BMPR1A: variants seen among roughly 807,000 people sequenced by gnomAD.
BMPR1A encodes bone morphogenetic protein receptor type-1A.
A neutral mutation model predicts 66.0 loss-of-function variants in BMPR1A; 7 were observed. The ratio of observed to expected loss-of-function variants is 0.11; its 90% CI spans 0.06 to 0.20. The LOEUF is 0.20. Ranked by LOEUF, BMPR1A falls within the 10% of genes least tolerant of loss-of-function variation. The pLI is 1.00. For synonymous variants in BMPR1A, 200 were observed against 229.7 expected, an observed-to-expected ratio of 0.87 and a Z score of 1.17; for missense variants, 408 against 669.1, an observed-to-expected ratio of 0.61 and a Z score of 4.31.
Position 86,923,961 on chromosome 10 carries a change from T to C in BMPR1A, c.*242T>C. 1.9e-6 allele frequency: 1 copy of C among 528,658 alleles called. No homozygotes were observed. The highest frequency in any genetic ancestry group is 3.4e-6 in the Non-Finnish European group (1 of 295,414). The allele number at this position is 528,658 out of a possible 1,614,324, so 32.7% of individuals were successfully genotyped here. A position where few individuals can be genotyped will look rare whatever the true frequency, so the allele number is the denominator to read the frequency against. ...TTTAAATGTGGTTTTTGATGCCTTT[T>C]TTTAAGTGGGTTTTTATGAACTGCA... On this transcript the variant is annotated 3_prime_UTR_variant, in exon 13 of 13. Coordinates refer to ENST00000372037, the MANE Select transcript of BMPR1A (RefSeq NM_004329.3).
chr10:86,785,828 C>T (rs544759682), intron 1 of BMPR1A, among the ~76,000 whole-genome samples: 8 of 152,270 alleles, frequency 5.3e-5, no homozygotes, highest in East Asian at 1.9e-4. Context: ...TTTACAGCTG[C>T]GCTTGGCTGG....
At position 86,785,830 on chromosome 10, in the gene BMPR1A, C is replaced by T. The variant is rs1351007486; in HGVS notation, c.-268+28911C>T. ...CTGCACTTGCACCTTTACAGCTGCG[C>T]TTGGCTGGAGAATTAACTTGGCTGA... On this transcript the variant is annotated intron_variant, in intron 1 of 12. Transcript: ENST00000372037. Among the ~76,000 whole-genome samples the T allele has an allele frequency of 2.6e-5, 4 of 152,162 alleles. 1 individual carries two copies. The highest frequency in any genetic ancestry group is 2.6e-4 in the Admixed American group (4 of 15,268).
At chr10:86,778,877 C>T (rs1257585191) in intron 1 of BMPR1A, among the ~76,000 whole-genome samples, 1 of 150,760 alleles carries the variant, frequency 6.6e-6, no homozygotes, top group African/African-American at 2.4e-5. Context: ...ATAATGTCTT[C>T]CAGTTCCATC....
intron 7 of BMPR1A, among the ~76,000 whole-genome samples, chr10:86,906,353 C>T (rs1282733650): frequency 2.6e-5 from 4 of 152,134 alleles, no homozygotes; most frequent in Non-Finnish European, 5.9e-5. Context: ...TTGGGTTTCA[C>T]TGAGCTTAGT....
At chr10:86,782,256 G>A (rs970121464) in intron 1 of BMPR1A, among the ~76,000 whole-genome samples, 2 of 152,150 alleles carry the variant, frequency 1.3e-5, no homozygotes, top group Non-Finnish European at 2.9e-5. Context: ...TTAATTACAC[G>A]TTTTGGCTAT....
intron 2 of BMPR1A, among the ~76,000 whole-genome samples, chr10:86,859,198 CTG>C (rs1366835016): frequency 2.6e-5 from 4 of 152,218 alleles, no homozygotes. Flanking sequence ...GCTGGGAAAA[CTG>C]GATATACATA....
chr10:86,878,032 ATAGT>A (rs1842941563), intron 3 of BMPR1A, among the ~76,000 whole-genome samples: 1 of 152,236 alleles, frequency 6.6e-6, no homozygotes, highest in African/African-American at 2.4e-5. Flanking sequence ...AATTATTTTG[ATAGT>A]TGCTTCAAAT....
chr10:86,900,476 T>C (rs1564718070), intron 7 of BMPR1A, among the ~76,000 whole-genome samples: 1 of 151,928 alleles, frequency 6.6e-6, no homozygotes, highest in South Asian at 2.1e-4. Flanking sequence ...GCTCCAGAAT[T>C]GTTTGCATGT....
At chr10:86,803,596 C>T (rs2051199681) in intron 1 of BMPR1A, among the ~76,000 whole-genome samples, 7 of 152,092 alleles carry the variant, frequency 4.6e-5, no homozygotes. Flanking sequence ...ATTCTTTCAC[C>T]ACTCTTTATT....
intron 3 of BMPR1A, among the ~76,000 whole-genome samples, chr10:86,884,564 C>T (rs1444406125): frequency 6.6e-6 from 1 of 151,644 alleles, no homozygotes. Context: ...AGGCTCACAG[C>T]ACCATGCCCA....
At chr10:86,911,271 C>T (rs1843479803) in intron 7 of BMPR1A, among the ~76,000 whole-genome samples, 1 of 151,536 alleles carries the variant, frequency 6.6e-6, no homozygotes, top group Admixed American at 6.6e-5. Context: ...AGTAATTTGT[C>T]TACACTAAAA....
chr10:86,771,215 C>T (rs944224488), intron 1 of BMPR1A, among the ~76,000 whole-genome samples: 3 of 152,112 alleles, frequency 2.0e-5, no homozygotes, highest in South Asian at 2.1e-4. Context: ...ACCTTGGAAA[C>T]GTTAAATAAC....
intron 1 of BMPR1A, among the ~76,000 whole-genome samples, chr10:86,811,090 G>C (rs1191196459): frequency 6.6e-6 from 1 of 152,204 alleles, no homozygotes; most frequent in Admixed American, 6.5e-5. Flanking sequence ...CCTGGCTGGA[G>C]TGCCGTAGTG....
At chr10:86,827,921 A>G (rs925477435) in intron 1 of BMPR1A, among the ~76,000 whole-genome samples, 20 of 152,316 alleles carry the variant, frequency 1.3e-4, no homozygotes, top group African/African-American at 4.8e-4. Flanking sequence ...TGGGAGGCCA[A>G]AGAGGGCGGA....
intron 3 of BMPR1A, among the ~76,000 whole-genome samples, chr10:86,882,372 G>A (rs528893288): frequency 2.6e-5 from 4 of 152,118 alleles, no homozygotes; most frequent in Admixed American, 1.3e-4. Flanking sequence ...GCAGTGAGCC[G>A]AGATTGGGCC....
chr10:86,786,196 C>T (rs923178698), intron 1 of BMPR1A, among the ~76,000 whole-genome samples: 1 of 152,184 alleles, frequency 6.6e-6, no homozygotes, highest in Non-Finnish European at 1.5e-5. Context: ...CTTGCCTCTA[C>T]ACTCTGCAGG....
chr10:86,848,220 C>T (rs1407363263), intron 2 of BMPR1A, among the ~76,000 whole-genome samples: 1 of 152,112 alleles, frequency 6.6e-6, no homozygotes, highest in Non-Finnish European at 1.5e-5. Context: ...CGTGAGCCAC[C>T]ACGCCTGGTC....
chr10:86,861,214 AAAG>A lies in BMPR1A; in HGVS notation c.-152-14652_-152-14650del, dbSNP rs1433615258. Among the ~76,000 whole-genome samples, 30 of 152,318 alleles carry A rather than the reference AAAG, an allele frequency of 2.0e-4. No homozygotes were observed. The East Asian group carries it at 5.0e-3, about 25-fold the overall frequency. On this transcript the variant is annotated intron_variant, in intron 2 of 12. Transcript: ENST00000372037. ...TGTTGTAACGCAGAATAAAGAAAAT[AAAG>A]TACAGATATTTCATTCCCAAGGCGG...
intron 1 of BMPR1A, among the ~76,000 whole-genome samples, chr10:86,818,617 AAAC>A (rs1480826275): frequency 6.6e-6 from 1 of 152,202 alleles, no homozygotes; most frequent in East Asian, 1.9e-4. Flanking sequence ...AGTATAAGCA[AAAC>A]AACAAAATAT....
Sources: gnomAD v4.1 joint callset for allele counts (sites outside exome capture counted in the v4.1 genomes callset) on GRCh38, gnomAD v4.1.1 for gene constraint, MANE v1.5 for transcripts, NCBI Gene and HGNC (gene_info 2026-07-23, HGNC 2026-07-21) for gene names.